The following CERS6 variants were observed in gnomAD, a reference collection of about 807,000 sequenced individuals.
CERS6 encodes the protein LAG1 homolog, ceramide synthase 6.
A neutral mutation model predicts 56.8 loss-of-function variants in CERS6; 26 were observed. The ratio of observed to expected loss-of-function variants is 0.46; its 90% confidence interval spans 0.34 to 0.63. The LOEUF is 0.63. CERS6 is among the 30% of genes least tolerant of loss of function. CERS6 has a pLI of 0.01. For missense variants in CERS6, 415 were observed against 467.5 expected (o/e 0.89, Z 1.04); for synonymous variants, 164 against 173.3 (o/e 0.95, Z 0.42).
At chr2:168,592,100 A>T (rs895634292) in intron 3 of CERS6, among the ~76,000 whole-genome samples, 1 of 152,222 alleles carries the variant, frequency 6.6e-6, no homozygotes, top group Non-Finnish European at 1.5e-5. Context: ...TGAGAATAAA[A>T]TAAATGCCCC....
At chr2:168,533,463 C>T (rs1695203873) in intron 1 of CERS6, among the ~76,000 whole-genome samples, 1 of 152,138 alleles carries the variant, frequency 6.6e-6, no homozygotes. Flanking sequence ...TTGCCATGGC[C>T]AGAACTTCTC....
chr2:168,510,170 A>T (rs900184894), intron 1 of CERS6, among the ~76,000 whole-genome samples: 4 of 151,470 alleles, frequency 2.6e-5, no homozygotes, highest in Admixed American at 6.6e-5. Context: ...CCATGTATTT[A>T]AAAAAAAGCA....
At chr2:168,678,397 G>A (rs1447763386) in intron 4 of CERS6, among the ~76,000 whole-genome samples, 1 of 152,204 alleles carries the variant, frequency 6.6e-6, no homozygotes, top group Non-Finnish European at 1.5e-5. Context: ...CTGCAAGGGG[G>A]CTGAGAAGCA....
intron 6 of CERS6, among the ~76,000 whole-genome samples, chr2:168,700,522 A>G (rs555066720): frequency 8.5e-5 from 13 of 152,322 alleles, no homozygotes; most frequent in East Asian, 3.9e-4. Context: ...AAAGGGAGAA[A>G]GGTTACATAT....
chr2:168,521,767 G>A (rs145858214), intron 1 of CERS6, among the ~76,000 whole-genome samples: 3 of 152,316 alleles, frequency 2.0e-5, no homozygotes, highest in African/African-American at 4.8e-5. Context: ...CAAGGTCTGC[G>A]AGCCAAGAGA....
intron 1 of CERS6, among the ~76,000 whole-genome samples, chr2:168,530,109 G>T (rs76343611): frequency 0.012 from 1,859 of 152,354 alleles, 48 homozygotes; most frequent in African/African-American, 0.043. Context: ...GAACGTGTCT[G>T]TAAGAGTGCC....
At chr2:168,628,457 G>T (rs77302590) in intron 3 of CERS6, among the ~76,000 whole-genome samples, 252 of 152,298 alleles carry the variant, frequency 1.7e-3, no homozygotes, top group Non-Finnish European at 2.8e-3. Flanking sequence ...TTGTTGCTTT[G>T]TATGTGGATT....
At chr2:168,560,369 A>G (rs966973100) in intron 2 of CERS6, among the ~76,000 whole-genome samples, 2 of 152,202 alleles carry the variant, frequency 1.3e-5, no homozygotes, top group South Asian at 2.1e-4. Flanking sequence ...TTGTACATAC[A>G]GTTTCACATT....
chr2:168,723,635 A>T (rs1166866264), intron 8 of CERS6, among the ~76,000 whole-genome samples: 1 of 152,214 alleles, frequency 6.6e-6, no homozygotes, highest in Non-Finnish European at 1.5e-5. Flanking sequence ...TGTTATTTTG[A>T]ATCAGTACTT....
In CERS6 at chr2:168,769,642, T is replaced by C; in HGVS notation, c.1135T>C (p.Ser379Pro). The C allele has an allele frequency of 6.2e-7, 1 of 1,610,740 alleles. No individual in the cohort carries two copies. The highest frequency in any genetic ancestry group is 8.5e-7 in the Non-Finnish European group (1 of 1,178,972). The change falls in exon 10 of 10, where the codon TCC becomes CCC. Residue 379 changes from serine to proline, a missense_variant. By Grantham distance (74) the Ser-to-Pro change is moderately conservative (BLOSUM62 -1). Coordinates refer to ENST00000305747, the MANE Select transcript of CERS6 (RefSeq NM_203463.3). ...SGTNGYLLTGSCSMDD is the reference protein window; with the variant it reads ...SGTNGYLLTGPCSMDD ...TACCAACGGGTATCTCCTGACTGGC[T>C]CCTGCTCCATGGATGATTAATTACT...
At chr2:168,765,900 T>G in intron 9 of CERS6, 152 bp downstream of exon 9, 1 of 694,762 alleles carries the variant, frequency 1.4e-6, no homozygotes, top group Non-Finnish European at 2.4e-6. Context: ...TTCTAGTTCA[T>G]TTTTTAAGTC....
At chr2:168,569,712 G>A (rs1469097370) in intron 3 of CERS6, among the ~76,000 whole-genome samples, 1 of 152,154 alleles carries the variant, frequency 6.6e-6, no homozygotes. Context: ...AGGACCAGTG[G>A]GTCAGTATGG....
chr2:168,606,276 C>G (rs1226403686), intron 3 of CERS6: 5 of 152,214 alleles, frequency 3.3e-5, no homozygotes, highest in Non-Finnish European at 7.3e-5. Context: ...TGTATAGGGC[C>G]TGTATCCCCT....
At chr2:168,724,392 A>G (rs112154342) in intron 8 of CERS6, among the ~76,000 whole-genome samples, 1,635 of 152,254 alleles carry the variant, frequency 0.011, 35 homozygotes, top group African/African-American at 0.037. Context: ...AAGCTTCCAC[A>G]GTGTGGAAGG....
At chr2:168,754,114 G>T in intron 8 of CERS6, among the ~76,000 whole-genome samples, 1 of 152,132 alleles carries the variant, frequency 6.6e-6, no homozygotes, top group East Asian at 1.9e-4. Flanking sequence ...CACTCCCCGT[G>T]TTAAGTATCA....
intron 4 of CERS6, among the ~76,000 whole-genome samples, chr2:168,688,791 G>T (rs1390809413): frequency 6.6e-6 from 1 of 152,084 alleles, no homozygotes; most frequent in African/African-American, 2.4e-5. Context: ...CCCTGCCTCC[G>T]GTGCACAGGA....
intron 3 of CERS6, among the ~76,000 whole-genome samples, chr2:168,592,236 G>C (rs750319152): frequency 2.6e-5 from 4 of 152,164 alleles, no homozygotes; most frequent in Non-Finnish European, 5.9e-5. Flanking sequence ...GTTTCAGAAA[G>C]ACTGGAGAGA....
intron 1 of CERS6, among the ~76,000 whole-genome samples, chr2:168,476,138 A>T (rs1194388232): frequency 1.3e-5 from 2 of 152,044 alleles, no homozygotes; most frequent in Non-Finnish European, 2.9e-5. Context: ...TATCTTCTCA[A>T]ACCAGTTGTT....
intron 4 of CERS6, among the ~76,000 whole-genome samples, chr2:168,656,692 T>C (rs1197451771): frequency 6.6e-6 from 1 of 152,012 alleles, no homozygotes; most frequent in Admixed American, 6.5e-5. Flanking sequence ...AGTAGCAAGA[T>C]TTATTGCAAA....
Sources: allele counts gnomAD v4.1 joint callset (sites outside exome capture counted in the v4.1 genomes callset), GRCh38; gene constraint gnomAD v4.1.1; transcripts MANE v1.5; gene names NCBI Gene and HGNC (gene_info 2026-07-23, HGNC 2026-07-21).